The following CLVS1 variants were observed in gnomAD, a reference collection of about 807,000 sequenced individuals.
CLVS1 encodes clavesin-1.
In CLVS1, 10 loss-of-function variants were observed where a neutral mutation model predicts 33.1. The observed-to-expected ratio is 0.30, with a 90% CI of 0.19 to 0.51. CLVS1 has a LOEUF of 0.51. CLVS1 is among the 20% of genes least tolerant of loss of function. The probability of loss-of-function intolerance (pLI) is 0.97; values close to 1 mark genes in which losing one functional copy is unlikely to be tolerated. For missense variants in CLVS1, 343 were observed against 433.4 expected, an observed-to-expected ratio of 0.79 and a Z score of 1.85; for synonymous variants, 163 against 166.1, an observed-to-expected ratio of 0.98 and a Z score of 0.14.
At chr8:61,488,438 TA>T (rs1390745684) in intron 5 of CLVS1, among the ~76,000 whole-genome samples, 1 of 152,214 alleles carries the variant, frequency 6.6e-6, no homozygotes, top group African/African-American at 2.4e-5. Flanking sequence ...AGAATAACTT[TA>T]TAATATAAAT....
chr8:61,195,146 GA>G (rs1807575650), intron 2 of CLVS1, among the ~76,000 whole-genome samples: 1 of 151,744 alleles, frequency 6.6e-6, no homozygotes, highest in South Asian at 2.1e-4. Context: ...AAAAAGGAGA[GA>G]AAAATATACA....
chr8:60,983,230 C>T, the CLVS1 span, among the ~76,000 whole-genome samples: 6 of 152,310 alleles, frequency 3.9e-5, no homozygotes, highest in South Asian at 1.2e-3. Flanking sequence ...CACTGGAATT[C>T]TGAGTGTGTG....
intron 2 of CLVS1, among the ~76,000 whole-genome samples, chr8:61,278,017 C>T (rs1809596424): frequency 6.6e-6 from 1 of 152,160 alleles, no homozygotes; most frequent in Non-Finnish European, 1.5e-5. Context: ...GGGTCTAAAG[C>T]TGCCCTCAGT....
At chr8:61,033,554 G>A in the CLVS1 span, among the ~76,000 whole-genome samples, 426 of 152,306 alleles carry the variant, frequency 2.8e-3, 5 homozygotes, top group African/African-American at 9.9e-3. Context: ...CCTCAGTCAG[G>A]GGGGAGTGTG....
intron 2 of CLVS1, among the ~76,000 whole-genome samples, chr8:61,214,190 G>A (rs1430644402): frequency 6.6e-6 from 1 of 152,030 alleles, no homozygotes; most frequent in Non-Finnish European, 1.5e-5. Context: ...ATTTCACCTC[G>A]GTCCTGTGGT....
upstream of CLVS1, among the ~76,000 whole-genome samples, chr8:61,283,331 G>C (rs1262890359): frequency 6.6e-6 from 1 of 152,186 alleles, no homozygotes; most frequent in Non-Finnish European, 1.5e-5. Flanking sequence ...GCTGTTTGAT[G>C]CTATGCAATT....
chr8:61,283,354 G>A (rs1315578629), upstream of CLVS1, among the ~76,000 whole-genome samples: 2 of 152,196 alleles, frequency 1.3e-5, no homozygotes, highest in African/African-American at 4.8e-5. Flanking sequence ...CCTCTGGGAT[G>A]AGTATCAGTA....
chr8:61,088,182 G>A (rs1199686587), intron 1 of CLVS1, among the ~76,000 whole-genome samples: 1 of 152,182 alleles, frequency 6.6e-6, no homozygotes, highest in African/African-American at 2.4e-5. Flanking sequence ...GTGCCCCACT[G>A]TGTGAATAAT....
chr8:61,454,028 A>C, intron 3 of CLVS1, 113 bp from the exon 4 acceptor site: 1 of 752,628 alleles, frequency 1.3e-6, no homozygotes, highest in Non-Finnish European at 2.4e-6. Flanking sequence ...TCCTGAAGCT[A>C]GAGCTTCTAC....
At chr8:61,297,779 C>T (rs1810271447) in intron 1 of CLVS1, among the ~76,000 whole-genome samples, 1 of 151,900 alleles carries the variant, frequency 6.6e-6, no homozygotes, top group African/African-American at 2.4e-5. Context: ...GGACAAAGGG[C>T]TAGGTGACAA....
intron 2 of CLVS1, among the ~76,000 whole-genome samples, chr8:61,320,379 G>GT (rs200084552): frequency 0.02 from 3,050 of 150,510 alleles, 96 homozygotes; most frequent in African/African-American, 0.069. Flanking sequence ...AGATAAGTTT[G>GT]TTAAAAAAAA....
chr8:60,988,190 C>T, the CLVS1 span, among the ~76,000 whole-genome samples: 3 of 152,150 alleles, frequency 2.0e-5, no homozygotes, highest in Non-Finnish European at 4.4e-5. Flanking sequence ...CAACTCCATT[C>T]TTGAACTGGA....
the CLVS1 span, among the ~76,000 whole-genome samples, chr8:61,009,182 T>TG: frequency 1.3e-5 from 2 of 152,122 alleles, no homozygotes; most frequent in Non-Finnish European, 2.9e-5. Flanking sequence ...TTTTTTTTTT[T>TG]TTTTCTGAGA....
At chr8:61,333,178 T>C (rs1277678213) in intron 2 of CLVS1, among the ~76,000 whole-genome samples, 1 of 152,230 alleles carries the variant, frequency 6.6e-6, no homozygotes, top group Non-Finnish European at 1.5e-5. Flanking sequence ...CGTTCAAAAA[T>C]ATCCTTTCAG....
In CLVS1 at chr8:61,455,908, G is replaced by C. The variant is rs542502242; in HGVS notation, c.741+1657G>C. Among the ~76,000 whole-genome samples the C allele has an allele frequency of 5.9e-5, 9 of 152,334 alleles. No homozygotes were observed. The South Asian group carries it at 1.9e-3, about 32-fold the overall frequency. On this transcript the variant is annotated intron_variant, in intron 4 of 5. Transcript: ENST00000325897. ...AGCATTGCAATGGGGTAGAGCAGGG[G>C]TAATTTCCCTGTTCTCAAACAAGTT...
the CLVS1 span, among the ~76,000 whole-genome samples, chr8:61,033,035 AAGAAAGAAAGAAAAAG>A: frequency 3.3e-4 from 39 of 118,912 alleles, no homozygotes; most frequent in African/African-American, 1.2e-3. Flanking sequence ...GAAAGAAAGA[AAGAAAGAAAGAAAAAG>A]AAAGAAAGAT....
intron 2 of CLVS1, among the ~76,000 whole-genome samples, chr8:61,367,434 A>G (rs985027142): frequency 1.3e-5 from 2 of 152,124 alleles, no homozygotes; most frequent in African/African-American, 4.8e-5. Flanking sequence ...TTCTATGTCT[A>G]GTGTCCAAAC....
intron 2 of CLVS1, among the ~76,000 whole-genome samples, chr8:61,181,096 G>A (rs1162496364): frequency 6.6e-6 from 1 of 152,176 alleles, no homozygotes; most frequent in African/African-American, 2.4e-5. Context: ...CATAGTCTCA[G>A]CCCAAATACT....
At chr8:61,139,701 C>T (rs1290512348) in intron 2 of CLVS1, among the ~76,000 whole-genome samples, 3 of 152,126 alleles carry the variant, frequency 2.0e-5, no homozygotes, top group Non-Finnish European at 4.4e-5. Flanking sequence ...CAGGATCGTG[C>T]TTCCCCTCGG....
Sources: gnomAD v4.1 joint callset for allele counts (sites outside exome capture counted in the v4.1 genomes callset) on GRCh38, gnomAD v4.1.1 for gene constraint, MANE v1.5 for transcripts, NCBI Gene and HGNC (gene_info 2026-07-23, HGNC 2026-07-21) for gene names.